The following PIK3C2G variants were observed in gnomAD, a reference collection of about 807,000 sequenced individuals.
The protein encoded by PIK3C2G is phosphatidylinositol 3-kinase C2 domain-containing subunit gamma.
In PIK3C2G, 168 loss-of-function variants were observed where a neutral mutation model predicts 181.1. That is an observed-to-expected ratio of 0.93 (90% CI 0.82 to 1.05). PIK3C2G has a LOEUF of 1.05. Ranked by LOEUF, PIK3C2G falls within the 50% of genes least tolerant of loss-of-function variation. The probability of loss-of-function intolerance (pLI) is 0.00; values close to 1 mark genes in which losing one functional copy is unlikely to be tolerated. For synonymous variants in PIK3C2G, 573 were observed against 592.2 expected (o/e 0.97, Z 0.47); for missense variants, 1,869 against 1,732.8 (o/e 1.08, Z -1.40).
At chr12:18,389,123 C>T (rs1592135306) in intron 14 of PIK3C2G, among the ~76,000 whole-genome samples, 1 of 152,016 alleles carries the variant, frequency 6.6e-6, no homozygotes, top group South Asian at 2.1e-4. Flanking sequence ...GAGGCCGAGG[C>T]GGGTGGATCA....
intron 1 of PIK3C2G, among the ~76,000 whole-genome samples, chr12:18,268,800 G>A (rs1423535018): frequency 1.3e-5 from 2 of 152,034 alleles, no homozygotes; most frequent in African/African-American, 4.8e-5. Context: ...CTTACCATTG[G>A]TTTTACCTAC....
At chr12:18,650,033 A>G (rs190939588), downstream of PIK3C2G, among the ~76,000 whole-genome samples, 1 of 152,116 alleles carries the variant, frequency 6.6e-6, no homozygotes, top group Admixed American at 6.6e-5. Flanking sequence ...TCATCTGAAT[A>G]CTGATGATTC....
At chr12:18,337,360 G>A (rs539032833) in intron 8 of PIK3C2G, among the ~76,000 whole-genome samples, 3 of 152,178 alleles carry the variant, frequency 2.0e-5, no homozygotes, top group Non-Finnish European at 2.9e-5. Context: ...CCATAAAATC[G>A]CTGTCTAGCT....
the PIK3C2G span, chr12:18,696,340 ATATATATAT>A: frequency 7.7e-6 from 2 of 261,000 alleles, no homozygotes; most frequent in South Asian, 1.6e-4. Flanking sequence ...ATATATATAT[ATATATATAT>A]ATCATATAAT....
At chr12:18,411,831 G>A (rs1944881928) in intron 16 of PIK3C2G, among the ~76,000 whole-genome samples, 1 of 152,026 alleles carries the variant, frequency 6.6e-6, no homozygotes, top group African/African-American at 2.4e-5. Flanking sequence ...TTAAAAGGTT[G>A]ACATTTGTTA....
chr12:18,290,588 G>A (rs1223496030), intron 3 of PIK3C2G, among the ~76,000 whole-genome samples: 1 of 152,152 alleles, frequency 6.6e-6, no homozygotes, highest in Non-Finnish European at 1.5e-5. Context: ...TTATGACAAT[G>A]AATTCTTAAT....
At chr12:18,260,722 A>G (rs1377281498), upstream of PIK3C2G, among the ~76,000 whole-genome samples, 1 of 152,144 alleles carries the variant, frequency 6.6e-6, no homozygotes, top group Non-Finnish European at 1.5e-5. Flanking sequence ...ATCCTACGAC[A>G]TATTTTGGAA....
intron 30 of PIK3C2G, among the ~76,000 whole-genome samples, chr12:18,599,310 A>C (rs1368035234): frequency 2.0e-5 from 3 of 151,912 alleles, no homozygotes; most frequent in African/African-American, 7.2e-5. Flanking sequence ...ATGGAATACT[A>C]TGCAGCCATA....
the PIK3C2G span, chr12:18,719,578 C>A: frequency 7.5e-6 from 12 of 1,606,004 alleles, no homozygotes; most frequent in Non-Finnish European, 1.0e-5. Context: ...TAGACATTCA[C>A]GTGAATCCAT....
chr12:18,684,184 C>G, the PIK3C2G span: 1 of 1,612,226 alleles, frequency 6.2e-7, no homozygotes. Flanking sequence ...TCATTTCCTG[C>G]TATTAAACCT....
At position 18,546,228 on chromosome 12, in the gene PIK3C2G, C is replaced by T. The variant is rs532675885; in HGVS notation, c.3481-95C>T. 50 of 740,096 alleles carry T rather than the reference C, an allele frequency of 6.8e-5. No individual in the cohort carries two copies. The East Asian group carries it at 1.4e-3, about 20-fold the overall frequency. The allele number at this position is 740,096 out of a possible 1,614,324, so 45.8% of individuals were successfully genotyped here. A position where few individuals can be genotyped will look rare whatever the true frequency, so the allele number is the denominator to read the frequency against. On this transcript the variant is annotated intron_variant, in intron 25 of 32. Transcript: ENST00000538779. ...AAGACATTGCCATGCAAACTTGGGT[C>T]TAGATGTCTCTGGGTAGAATTAATC...
At chr12:18,303,523 C>T (rs1950298632) in intron 5 of PIK3C2G, among the ~76,000 whole-genome samples, 1 of 151,940 alleles carries the variant, frequency 6.6e-6, no homozygotes, top group Non-Finnish European at 1.5e-5. Flanking sequence ...TTAGTGGAGA[C>T]AGGTCTTCAC....
intron 21 of PIK3C2G, 97 bp downstream of exon 21, chr12:18,496,251 AAC>A: frequency 1.4e-6 from 1 of 727,930 alleles, no homozygotes; most frequent in East Asian, 2.8e-5. Flanking sequence ...TTCCTCCAGC[AAC>A]AACACATAGG....
the PIK3C2G span, among the ~76,000 whole-genome samples, chr12:18,684,888 C>A: frequency 1.3e-5 from 2 of 151,878 alleles, no homozygotes; most frequent in South Asian, 2.1e-4. Flanking sequence ...CTCATGAGAT[C>A]TGATGGTTTT....
Position 18,393,741 on chromosome 12 carries a change from A to C in PIK3C2G, c.2126+2489A>C, listed in dbSNP as rs566081926. On this transcript the variant is annotated intron_variant, in intron 15 of 32. Transcript: ENST00000538779. ...AACTGTTTTCATAAATTAAACAGAC[A>C]GGACTTGAGGTAAGCCTTGGGATTA... 1.6e-4 allele frequency among the ~76,000 whole-genome samples: 25 copies of C among 152,272 alleles called. No homozygotes were observed. The East Asian group carries it at 4.6e-3, about 28-fold the overall frequency.
At chr12:18,708,249 TC>T in the PIK3C2G span, among the ~76,000 whole-genome samples, 1 of 152,200 alleles carries the variant, frequency 6.6e-6, no homozygotes, top group African/African-American at 2.4e-5. Context: ...TTTTCTAAAT[TC>T]CACATAAAAG....
the PIK3C2G span, among the ~76,000 whole-genome samples, chr12:18,718,826 A>T: frequency 6.6e-6 from 1 of 152,156 alleles, no homozygotes; most frequent in Non-Finnish European, 1.5e-5. Flanking sequence ...CAGCTTTGAA[A>T]ATCTTATTCT....
intron 24 of PIK3C2G, among the ~76,000 whole-genome samples, chr12:18,511,894 C>T (rs1942234229): frequency 6.6e-6 from 1 of 151,900 alleles, no homozygotes; most frequent in African/African-American, 2.4e-5. Flanking sequence ...ATTGCTGAGA[C>T]CAATGTCATG....
At chr12:18,364,423 G>A (rs1941490494) in intron 12 of PIK3C2G, among the ~76,000 whole-genome samples, 1 of 152,102 alleles carries the variant, frequency 6.6e-6, no homozygotes, top group African/African-American at 2.4e-5. Flanking sequence ...GGTCTAACCT[G>A]TAAATTTCTC....
Sources: allele counts gnomAD v4.1 joint callset (sites outside exome capture counted in the v4.1 genomes callset), GRCh38; gene constraint gnomAD v4.1.1; transcripts MANE v1.5; gene names NCBI Gene and HGNC (gene_info 2026-07-23, HGNC 2026-07-21).